Variants in IQSEC1 observed in about 807,000 individuals in gnomAD.
The protein encoded by IQSEC1 is IQ motif and SEC7 domain-containing protein 1.
A neutral mutation model predicts 91.0 loss-of-function variants in IQSEC1; 31 were observed. The observed-to-expected ratio is 0.34, with a 90% CI of 0.26 to 0.46. The LOEUF (loss-of-function observed/expected upper bound fraction) is 0.46. IQSEC1 is among the 20% of genes least tolerant of loss of function. The probability of loss-of-function intolerance (pLI) is 1.00; values close to 1 mark genes in which losing one functional copy is unlikely to be tolerated. For synonymous variants in IQSEC1, 699 were observed against 662.6 expected (o/e 1.05, Z -0.84); for missense variants, 1,388 against 1,575.6 (o/e 0.88, Z 2.02).
intron 1 of IQSEC1, among the ~76,000 whole-genome samples, chr3:13,204,167 C>T (rs1412915457): frequency 2.6e-5 from 4 of 152,192 alleles, no homozygotes; most frequent in Admixed American, 6.6e-5. Flanking sequence ...GGGAGAGCTG[C>T]GGAGAGCTGC....
Position 12,899,463 on chromosome 3 carries a change from G to A in IQSEC1, c.*1520C>T. On this transcript the variant is annotated 3_prime_UTR_variant, in exon 14 of 14. Coordinates refer to ENST00000613206, the MANE Select transcript of IQSEC1 (RefSeq NM_001134382.3). ...CAAAGTATGGCCCGTGGGTGACTCG[G>A]GCACAGACCTGCCGCGTGCAGGTCT... is the stretch of plus-strand genomic sequence containing the variant. 6.9e-6 allele frequency: 11 copies of A among 1,603,996 alleles called. No individual in the cohort carries two copies. Among genetic ancestry groups the A allele is most frequent in the Non-Finnish European group, 9.4e-6 (11 of 1,175,884 alleles).
chr3:13,011,114 A>G (rs935648971), intron 1 of IQSEC1, among the ~76,000 whole-genome samples: 108 of 151,940 alleles, frequency 7.1e-4, no homozygotes, highest in African/African-American at 2.5e-3. Flanking sequence ...GTCTCACTGT[A>G]TCATTTAAGA....
intron 2 of IQSEC1, among the ~76,000 whole-genome samples, chr3:13,113,701 G>A (rs1404249243): frequency 2.0e-5 from 3 of 152,174 alleles, no homozygotes; most frequent in African/African-American, 2.4e-5. Context: ...TGTCGAGAAC[G>A]GTCACCAGGG....
chr3:13,019,679 AC>A (rs1342479478), intron 1 of IQSEC1, among the ~76,000 whole-genome samples: 1 of 152,184 alleles, frequency 6.6e-6, no homozygotes, highest in East Asian at 1.9e-4. Flanking sequence ...TCCCCAGTTA[AC>A]CACAGGGGCG....
At chr3:13,074,074 T>C (rs762985862), upstream of IQSEC1, among the ~76,000 whole-genome samples, 30 of 152,160 alleles carry the variant, frequency 2.0e-4, no homozygotes, top group Non-Finnish European at 3.2e-4. Context: ...ATGTTTACAG[T>C]CTAAGGGGAA....
At chr3:13,128,513 A>T (rs1706554863) in intron 2 of IQSEC1, among the ~76,000 whole-genome samples, 1 of 152,250 alleles carries the variant, frequency 6.6e-6, no homozygotes, top group African/African-American at 2.4e-5. Flanking sequence ...AATCCCACTT[A>T]GTTGCAGTGT....
chr3:13,034,079 C>T (rs1000895235), intron 1 of IQSEC1, among the ~76,000 whole-genome samples: 9 of 152,344 alleles, frequency 5.9e-5, no homozygotes, highest in Admixed American at 5.9e-4. Flanking sequence ...TTTCCAAATA[C>T]AGTCCCATTT....
intron 1 of IQSEC1, among the ~76,000 whole-genome samples, chr3:12,985,209 G>A (rs1170473219): frequency 6.6e-6 from 1 of 152,208 alleles, no homozygotes; most frequent in Non-Finnish European, 1.5e-5. Context: ...TGGGCTGGGT[G>A]AGGTATGGCT....
chr3:13,193,133 C>T lies in IQSEC1; in HGVS notation c.273-29000G>A, dbSNP rs566337330. Among the ~76,000 whole-genome samples the T allele has an allele frequency of 3.9e-5, 6 of 152,346 alleles. No homozygotes were observed. The highest frequency in any genetic ancestry group is 7.3e-5 in the Non-Finnish European group (5 of 68,034). On this transcript the variant is annotated intron_variant, in intron 1 of 15. Transcript: ENST00000648114. The surrounding 1 kb of genome is among the most constrained non-coding windows in gnomAD (Gnocchi z 4.2). ...AGTGTCTTTTCTCAGCCTTGTCCTA[C>T]GAGCACAGGATGCCCACCTGCCCGG... is the stretch of plus-strand genomic sequence containing the variant.
Position 13,130,112 on chromosome 3 carries a change from G to A in IQSEC1, c.302+33992C>T, listed in dbSNP as rs1352343009. On this transcript the variant is annotated intron_variant, in intron 2 of 15. Transcript: ENST00000648114. Reference sequence around the variant, plus strand: ...TATAATCACAGCACTTTGGGAGGCCGAGGCGGGAGGATTATGAGGTCAGGA... The same window carrying A: ...TATAATCACAGCACTTTGGGAGGCCAAGGCGGGAGGATTATGAGGTCAGGA... 7.3e-5 allele frequency among the ~76,000 whole-genome samples: 11 copies of A among 151,370 alleles called. 1 individual carries two copies. Among genetic ancestry groups the A allele is most frequent in the South Asian group, 6.3e-4 (3 of 4,784 alleles).
chr3:12,933,664 C>G (rs1043386891), intron 3 of IQSEC1, among the ~76,000 whole-genome samples: 15 of 152,310 alleles, frequency 9.8e-5, no homozygotes, highest in African/African-American at 3.6e-4. Context: ...CGATGGGGCA[C>G]AGCCAGGATT....
chr3:12,909,391 T>C lies in IQSEC1; in HGVS notation c.2460A>G (p.Ala820=). The C allele has an allele frequency of 1.9e-6, 3 of 1,614,216 alleles. No individual in the cohort carries two copies. The change falls in exon 11 of 14, where the codon GCA becomes GCG. Residue 820 remains alanine, a synonymous_variant. Transcript: ENST00000613206. This position sits in a 1 kb window ranked among gnomAD's most constrained non-coding sequence, Gnocchi z 4.9. ...GIRLTSSVPG[A]DIKVLINFNA... ...TGAAGTTTATTAACACTTTGATATCTGCTCCGGGGACAGACGAGGTGAGCC... is the reference window on the plus strand; with the variant it reads ...TGAAGTTTATTAACACTTTGATATCCGCTCCGGGGACAGACGAGGTGAGCC...
At chr3:13,063,256 G>A (rs746698614) in intron 1 of IQSEC1, among the ~76,000 whole-genome samples, 1 of 152,270 alleles carries the variant, frequency 6.6e-6, no homozygotes, top group Non-Finnish European at 1.5e-5. Context: ...CCAGTGACAA[G>A]TCAATTCACT....
intron 2 of IQSEC1, among the ~76,000 whole-genome samples, chr3:13,121,675 T>A (rs951276345): frequency 1.3e-5 from 2 of 151,696 alleles, no homozygotes; most frequent in Admixed American, 1.3e-4. Flanking sequence ...GGGGACAGAG[T>A]GGTAGCCTGG....
At chr3:13,090,577 G>T (rs939961242) in intron 2 of IQSEC1, among the ~76,000 whole-genome samples, 2 of 152,232 alleles carry the variant, frequency 1.3e-5, no homozygotes, top group African/African-American at 4.8e-5. Flanking sequence ...TCTGTGGGGT[G>T]ATTGGTGACA....
chr3:12,902,765 CTACT>C lies in IQSEC1; in HGVS notation c.2805+4_2805+7del. The stretch of plus-strand genomic sequence containing the variant: ...ACAGCCAGCTGGACAGAGGCGCTTC[CTACT>C]TACTTCCACATTGCTCTCTAGCGAT... On this transcript the variant is annotated splice_donor_5th_base_variant and intron_variant, in intron 13 of 13. Coordinates refer to ENST00000613206, the MANE Select transcript of IQSEC1 (RefSeq NM_001134382.3). 1.9e-6 allele frequency: 3 copies of C among 1,607,954 alleles called. No individual in the cohort carries two copies. The highest frequency in any genetic ancestry group is 2.6e-6 in the Non-Finnish European group (3 of 1,175,436).
intron 2 of IQSEC1, among the ~76,000 whole-genome samples, chr3:13,082,920 G>A (rs1705669205): frequency 6.6e-6 from 1 of 152,204 alleles, no homozygotes; most frequent in African/African-American, 2.4e-5. Context: ...CACCCTCATT[G>A]GGAATGCTCT....
intron 1 of IQSEC1, among the ~76,000 whole-genome samples, chr3:12,961,301 C>T (rs902143725): frequency 2.6e-5 from 4 of 152,266 alleles, no homozygotes; most frequent in Admixed American, 1.3e-4. Flanking sequence ...GTCCTAACAC[C>T]TCAGGGTGTC....
intron 1 of IQSEC1, among the ~76,000 whole-genome samples, chr3:12,954,074 C>G (rs1699741724): frequency 6.6e-6 from 1 of 152,202 alleles, no homozygotes; most frequent in Non-Finnish European, 1.5e-5. Flanking sequence ...GGCCACACAG[C>G]CAAGGCAGCC....
Sources: allele counts gnomAD v4.1 joint callset (sites outside exome capture counted in the v4.1 genomes callset), GRCh38; gene constraint gnomAD v4.1.1; non-coding constraint Gnocchi (gnomAD v3.1); transcripts MANE v1.5; gene names NCBI Gene and HGNC (gene_info 2026-07-23, HGNC 2026-07-21).